COG4: variants seen among roughly 807,000 people sequenced by gnomAD.
COG4 encodes component of oligomeric golgi complex 4.
COG4 carries 65 observed loss-of-function variants against 95.1 expected under a neutral mutation model. The ratio of observed to expected loss-of-function variants is 0.68; its 90% CI spans 0.56 to 0.84. COG4 has a LOEUF of 0.84. Among genes scored for constraint, COG4 ranks in the 40% least tolerant of loss-of-function variants. The pLI is 0.00. For synonymous variants in COG4, 421 were observed against 374.8 expected (o/e 1.12, Z -1.42); for missense variants, 1,045 against 989.1 (o/e 1.06, Z -0.76).
In COG4 at chr16:70,509,967, C is replaced by G. The variant is rs756877483; in HGVS notation, c.793G>C (p.Asp265His). The change falls in exon 6 of 19, where the codon GAT becomes CAT. Residue 265 changes from aspartate to histidine, a missense_variant. Coordinates refer to ENST00000323786, the MANE Select transcript of COG4 (RefSeq NM_015386.3). The stretch of plus-strand genomic sequence containing the variant: ...GCAAAGATGACTGCAGCTCTCCGAT[C>G]ACTCATGTCTGTCCCCAGCACCATG... The part of the protein sequence containing the change: ...LLMVLGTDMS[D>H]RRAAVIFADT... The G allele has an allele frequency of 1.9e-6, 3 of 1,613,928 alleles. No homozygotes were observed. The African/African-American group carries it at 4.0e-5, about 22-fold the overall frequency.
intron 8 of COG4, among the ~76,000 whole-genome samples, chr16:70,504,728 G>T (rs1347038795): frequency 1.3e-5 from 2 of 151,788 alleles, no homozygotes; most frequent in South Asian, 2.1e-4. Flanking sequence ...TGGCCAAGAT[G>T]GTGAAACCCC....
chr16:70,497,897 C>A, intron 10 of COG4, 40 bp downstream of exon 10: 1 of 1,191,576 alleles, frequency 8.4e-7, no homozygotes, highest in Non-Finnish European at 1.3e-6. Context: ...GCTTCTTGGA[C>A]CGGAAGCCCC....
At chr16:70,486,062 AT>A (rs1162770546) in intron 13 of COG4, among the ~76,000 whole-genome samples, 1 of 150,952 alleles carries the variant, frequency 6.6e-6, no homozygotes, top group Admixed American at 6.6e-5. Flanking sequence ...CGCTCTGCTA[AT>A]TTTTTGTATT....
chr16:70,516,078 C>A (rs1467587266), intron 3 of COG4: 2 of 455,734 alleles, frequency 4.4e-6, no homozygotes, highest in African/African-American at 4.0e-5. Flanking sequence ...TAAATGTTTT[C>A]TTCTGAGTCT....
chr16:70,487,615 T>C (rs2151743122), intron 13 of COG4, among the ~76,000 whole-genome samples: 1 of 152,326 alleles, frequency 6.6e-6, no homozygotes, highest in East Asian at 1.9e-4. Context: ...AGCCAACTTG[T>C]TGAACACATA....
intron 3 of COG4, chr16:70,516,108 T>G (rs1387071125): frequency 4.4e-6 from 2 of 453,854 alleles, no homozygotes; most frequent in African/African-American, 4.0e-5. Flanking sequence ...TCATGTGTTT[T>G]TTGTCCTTTT....
In COG4 at chr16:70,503,663, C is replaced by T. The variant is rs895849906; in HGVS notation, c.1062-2572G>A. ...AGGCTGGAGTGCAGTGGCGCTATCC[C>T]GGCTCACTGCAAGCTCCGCCTCTTG... is the stretch of plus-strand genomic sequence containing the variant. On this transcript the variant is annotated intron_variant, in intron 8 of 18. Coordinates refer to ENST00000323786, the MANE Select transcript of COG4 (RefSeq NM_015386.3). 9.8e-5 allele frequency among the ~76,000 whole-genome samples: 12 copies of T among 122,114 alleles called. 2 individuals carry two copies. The highest frequency in any genetic ancestry group is 4.2e-4 in the South Asian group (2 of 4,766). The allele number at this position is 122,114 out of a possible 152,430, so 80.1% of individuals were successfully genotyped here.
intron 6 of COG4, 94 bp downstream of exon 6, chr16:70,509,822 T>C (rs2049660438): frequency 1.1e-6 from 1 of 906,844 alleles, no homozygotes; most frequent in Non-Finnish European, 1.8e-6. Flanking sequence ...CATGATTAAA[T>C]TAAAGTCATC....
intron 14 of COG4, among the ~76,000 whole-genome samples, chr16:70,483,371 T>C (rs1456293930): frequency 6.7e-6 from 1 of 148,502 alleles, no homozygotes; most frequent in Admixed American, 6.8e-5. Context: ...GCCCTGAGGC[T>C]TTCTGCAGGC....
chr16:70,488,186 T>C (rs1286710096), intron 13 of COG4, among the ~76,000 whole-genome samples: 1 of 151,504 alleles, frequency 6.6e-6, no homozygotes, highest in East Asian at 1.9e-4. Context: ...CAGGCTAGAG[T>C]GAAGTGGCGT....
At chr16:70,501,299 T>C (rs1445662193) in intron 8 of COG4, 2 of 596,100 alleles carry the variant, frequency 3.4e-6, no homozygotes, top group Admixed American at 2.9e-5. Context: ...CCTAAATCAT[T>C]CACTCCCTAA....
At chr16:70,495,353 T>C (rs967460427) in intron 12 of COG4, among the ~76,000 whole-genome samples, 2 of 146,092 alleles carry the variant, frequency 1.4e-5, no homozygotes, top group Non-Finnish European at 3.0e-5. Context: ...GCCAAGGTCA[T>C]GCCATTGCAC....
intron 8 of COG4, among the ~76,000 whole-genome samples, chr16:70,504,609 TAAA>T (rs66751123): frequency 9.0e-5 from 11 of 121,972 alleles, no homozygotes; most frequent in African/African-American, 2.9e-4. Flanking sequence ...AGATTCTATT[TAAA>T]AAAAAAAAAA....
chr16:70,481,322 C>T (rs762565826), intron 18 of COG4, 37 bp downstream of exon 18: 5 of 1,609,992 alleles, frequency 3.1e-6, no homozygotes, highest in Non-Finnish European at 4.2e-6. Context: ...CTCTTTCAGT[C>T]ACCCCTCCCT....
intron 12 of COG4, among the ~76,000 whole-genome samples, chr16:70,490,848 A>G (rs2049229096): frequency 6.6e-6 from 1 of 151,928 alleles, no homozygotes; most frequent in African/African-American, 2.4e-5. Flanking sequence ...TTTAGTAGAG[A>G]CGGGGTTTCA....
intron 1 of COG4, among the ~76,000 whole-genome samples, chr16:70,521,489 T>C (rs2151766985): frequency 6.6e-6 from 1 of 152,184 alleles, no homozygotes; most frequent in Non-Finnish European, 1.5e-5. Context: ...CCCAAACTGC[T>C]GGTATTACAG....
chr16:70,484,432 C>A (rs557191067), intron 13 of COG4, among the ~76,000 whole-genome samples: 6 of 152,174 alleles, frequency 3.9e-5, no homozygotes, highest in African/African-American at 1.4e-4. Flanking sequence ...CCTTTCCCCC[C>A]CTTTTATATT....
At chr16:70,495,646 G>A (rs1246936768) in intron 12 of COG4, among the ~76,000 whole-genome samples, 2 of 152,192 alleles carry the variant, frequency 1.3e-5, no homozygotes, top group Admixed American at 6.6e-5. Context: ...CTGATCTTGA[G>A]CTTAGGATTC....
In COG4 at chr16:70,497,799, C is replaced by A. The variant is rs551196650; in HGVS notation, c.1314+138G>T. 2.7e-5 allele frequency: 21 copies of A among 768,572 alleles called. No homozygotes were observed. The African/African-American group carries it at 3.2e-4, about 12-fold the overall frequency. The allele number at this position is 768,572 out of a possible 1,614,324, so 47.6% of individuals were successfully genotyped here. ...ACTCCAAAGATGCTCTCTAAACATACAAAGTGGTACCACTCAATCTGCATG... is the reference window on the plus strand; with the variant it reads ...ACTCCAAAGATGCTCTCTAAACATAAAAAGTGGTACCACTCAATCTGCATG... On this transcript the variant is annotated intron_variant, in intron 10 of 18. Coordinates refer to ENST00000323786, the MANE Select transcript of COG4 (RefSeq NM_015386.3).
Sources: gnomAD v4.1 joint callset for allele counts (sites outside exome capture counted in the v4.1 genomes callset) on GRCh38, gnomAD v4.1.1 for gene constraint, MANE v1.5 for transcripts, NCBI Gene and HGNC (gene_info 2026-07-23, HGNC 2026-07-21) for gene names.